The following NPHP4 variants were observed in gnomAD, a reference collection of about 807,000 sequenced individuals.
NPHP4 encodes the protein nephrocystin-4.
In NPHP4, 151 loss-of-function variants were observed where a neutral mutation model predicts 155.8. The ratio of observed to expected loss-of-function variants is 0.97; its 90% CI spans 0.85 to 1.11. The LOEUF (loss-of-function observed/expected upper bound fraction) is 1.11. Ranked by LOEUF, NPHP4 falls within the 50% of genes least tolerant of loss-of-function variation. The pLI is 0.00. For missense variants in NPHP4, 1,956 were observed against 1,925.7 expected (o/e 1.02, Z -0.29); for synonymous variants, 845 against 816.8 (o/e 1.03, Z -0.59).
chr1:5,926,270 T>C (rs994851058), intron 11 of NPHP4, among the ~76,000 whole-genome samples: 2 of 152,222 alleles, frequency 1.3e-5, no homozygotes, highest in African/African-American at 4.8e-5. Flanking sequence ...AAATACTTAA[T>C]GATGTAGTTT....
chr1:5,879,860 C>CGCACACACACAT (rs1557635210), intron 19 of NPHP4, among the ~76,000 whole-genome samples: 1 of 150,526 alleles, frequency 6.6e-6, no homozygotes, highest in Admixed American at 6.6e-5. Flanking sequence ...CACACAGACA[C>CGCACACACACAT]GCACACACAC....
At chr1:5,909,073 C>T (rs1645048961) in intron 12 of NPHP4, 79 bp downstream of exon 12, 1 of 1,226,654 alleles carries the variant, frequency 8.2e-7, no homozygotes, top group Non-Finnish European at 1.2e-6. Context: ...ATCCACTGTG[C>T]TTAAGGGGGG....
chr1:5,980,949 G>A (rs1480332554), intron 2 of NPHP4, among the ~76,000 whole-genome samples: 1 of 151,982 alleles, frequency 6.6e-6, no homozygotes, highest in Non-Finnish European at 1.5e-5. Context: ...CCCGCATCCA[G>A]ACCTGCCCTC....
At chr1:5,898,252 G>A (rs1374834815) in intron 16 of NPHP4, among the ~76,000 whole-genome samples, 2 of 152,196 alleles carry the variant, frequency 1.3e-5, no homozygotes, top group Non-Finnish European at 2.9e-5. Flanking sequence ...CAGGAGCGAA[G>A]AAAACAAAAA....
chr1:5,964,147 G>A (rs1414512545), intron 5 of NPHP4, among the ~76,000 whole-genome samples: 3 of 152,244 alleles, frequency 2.0e-5, no homozygotes, highest in African/African-American at 7.2e-5. Context: ...AGGGAAGAAA[G>A]CAAGGTGTGG....
intron 20 of NPHP4, 77 bp from the exon 21 acceptor site, chr1:5,875,177 C>G (rs903034757): frequency 1.2e-4 from 131 of 1,056,124 alleles, no homozygotes; most frequent in Non-Finnish European, 1.7e-4. Context: ...GGCTGCCCAC[C>G]ACCCGCGATC....
At chr1:5,976,316 T>C (rs1452579071) in intron 3 of NPHP4, among the ~76,000 whole-genome samples, 2 of 152,166 alleles carry the variant, frequency 1.3e-5, no homozygotes, top group African/African-American at 2.4e-5. Flanking sequence ...AATGACGGCA[T>C]GCTTCTGAGC....
intron 12 of NPHP4, 27 bp downstream of exon 12, chr1:5,909,125 A>G: frequency 1.3e-6 from 2 of 1,558,248 alleles, no homozygotes; most frequent in South Asian, 2.3e-5. Flanking sequence ...GGAATTCTGA[A>G]GGAGGCCGTG....
intron 6 of NPHP4, among the ~76,000 whole-genome samples, chr1:5,958,371 G>A (rs972240728): frequency 6.6e-6 from 1 of 152,078 alleles, no homozygotes; most frequent in African/African-American, 2.4e-5. Context: ...TGGGCAACAC[G>A]GAGAAACCCT....
chr1:5,863,474 T>C (rs1158992806), intron 29 of NPHP4, 69 bp from the exon 30 acceptor site: 3 of 1,552,480 alleles, frequency 1.9e-6, no homozygotes, highest in Non-Finnish European at 1.8e-6. Flanking sequence ...GCAACCTCTC[T>C]GCATGGTCGT....
At chr1:5,939,888 G>A (rs991470397) in intron 9 of NPHP4, among the ~76,000 whole-genome samples, 11 of 152,232 alleles carry the variant, frequency 7.2e-5, no homozygotes, top group Middle Eastern at 3.4e-3. Context: ...TTAGCCCAAC[G>A]CAGTTGACAG....
rs144851485 is a variant in NPHP4, at chr1:5,888,088, C to T, written c.2305-622G>A. ...GGGCCATGGGGCACGAGAGGCCCGCCGGGAGCCCTGGGCTGGGGTTTGGCC... is the reference window on the plus strand; with the variant it reads ...GGGCCATGGGGCACGAGAGGCCCGCTGGGAGCCCTGGGCTGGGGTTTGGCC... On this transcript the variant is annotated intron_variant, in intron 17 of 29. Transcript: ENST00000378156. 9.3e-4 allele frequency among the ~76,000 whole-genome samples: 141 copies of T among 152,188 alleles called. 3 individuals are homozygous for T. The East Asian group carries it at 0.022, about 24-fold the overall frequency.
chr1:5,942,179 C>T (rs533637097), intron 9 of NPHP4, among the ~76,000 whole-genome samples: 3 of 152,184 alleles, frequency 2.0e-5, no homozygotes, highest in African/African-American at 7.2e-5. Context: ...CAACCTGACT[C>T]CAACTATGAG....
Position 5,914,239 on chromosome 1 carries a change from G to A in NPHP4, c.1442-5026C>T, listed in dbSNP as rs868030069. Among the ~76,000 whole-genome samples the A allele has an allele frequency of 4.8e-5, 5 of 104,366 alleles. No individual in the cohort carries two copies. The South Asian group carries it at 1.7e-3, about 36-fold the overall frequency. 68.5% of individuals were successfully genotyped at this position (104,366 alleles called of 152,430 possible). ...AGTTCGAGATTAGCCTGGGCAACAT[G>A]GCAAAATCTTATCTATACAAAAAAA... On this transcript the variant is annotated intron_variant, in intron 11 of 29. Transcript: ENST00000378156.
intron 4 of NPHP4, 51 bp downstream of exon 4, chr1:5,969,036 A>G (rs1652062534): frequency 1.5e-6 from 2 of 1,317,284 alleles, no homozygotes; most frequent in Non-Finnish European, 2.1e-6. Flanking sequence ...CAAAAAAAAA[A>G]AAAAAGACAG....
At chr1:5,940,180 G>C (rs995397775) in intron 9 of NPHP4, among the ~76,000 whole-genome samples, 1 of 152,214 alleles carries the variant, frequency 6.6e-6, no homozygotes, top group African/African-American at 2.4e-5. Flanking sequence ...AGCCTCATGA[G>C]AGGTGGTGAG....
rs1643416942 is a variant in NPHP4 at position 5,882,797 on chromosome 1, TC to T, written c.2486-2559del. ...CTTCGCAGGGGTCTCCAGCTTCCCC[TC>T]AAGTTAAAGCCTGCACCCTCCCAGT... On this transcript the variant is annotated intron_variant, in intron 18 of 29. Transcript: ENST00000378156. The surrounding 1 kb of genome is among the most constrained non-coding windows in gnomAD (Gnocchi z 5.1). 1 of 152,368 alleles carries T rather than the reference TC, an allele frequency of 6.6e-6. No individual in the cohort carries two copies. Among genetic ancestry groups the T allele is most frequent in the South Asian group, 2.1e-4 (1 of 4,820 alleles). 9.4% of individuals were successfully genotyped at this position (152,368 alleles called of 1,614,324 possible).
At chr1:5,909,949 G>A (rs1212142212) in intron 11 of NPHP4, among the ~76,000 whole-genome samples, 1 of 152,130 alleles carries the variant, frequency 6.6e-6, no homozygotes, top group Non-Finnish European at 1.5e-5. Flanking sequence ...CCCTCCCCAG[G>A]CCACATGGAC....
chr1:5,895,755 T>C (rs1644363595), intron 16 of NPHP4, among the ~76,000 whole-genome samples: 1 of 152,174 alleles, frequency 6.6e-6, no homozygotes, highest in Non-Finnish European at 1.5e-5. Context: ...TACTAATTGC[T>C]GAGATAGCGA....
Sources: gnomAD v4.1 joint callset for allele counts (sites outside exome capture counted in the v4.1 genomes callset) on GRCh38, gnomAD v4.1.1 for gene constraint, Gnocchi (gnomAD v3.1) non-coding constraint, MANE v1.5 for transcripts, NCBI Gene and HGNC (gene_info 2026-07-23, HGNC 2026-07-21) for gene names.